The following CCDC30 variants were observed in gnomAD, a reference collection of about 807,000 sequenced individuals.
CCDC30 encodes the protein coiled-coil domain containing 30.
A neutral mutation model predicts 100.2 loss-of-function variants in CCDC30; 70 were observed. The observed-to-expected ratio is 0.70, with a 90% CI of 0.58 to 0.85. The LOEUF (loss-of-function observed/expected upper bound fraction) is 0.85, where lower values mean the gene tolerates loss of function less well. Among genes scored for constraint, CCDC30 ranks in the 40% least tolerant of loss-of-function variants. The pLI is 0.00. For synonymous variants in CCDC30, 233 were observed against 269.5 expected, an observed-to-expected ratio of 0.86 and a Z score of 1.33; for missense variants, 652 against 771.2, an observed-to-expected ratio of 0.85 and a Z score of 1.83.
At chr1:42,539,255 A>T in intron 6 of CCDC30, 1 of 1,610,790 alleles carries the variant, frequency 6.2e-7, no homozygotes. Flanking sequence ...AGCAAAGACC[A>T]TTTTTTAATA....
rs113033883 is a variant in CCDC30 at position 42,495,531 on chromosome 1, CAA to C, written c.242-1554_242-1553del. On this transcript the variant is annotated intron_variant, in intron 4 of 16. Coordinates refer to ENST00000668663, the Ensembl canonical transcript of CCDC30. The stretch of plus-strand genomic sequence containing the variant: ...TAATAAAAAAATAAAAATAAAAAAG[CAA>C]AAAAAAAAAAAATTAGCCAGGTTTG... Among the ~76,000 whole-genome samples the C allele has an allele frequency of 3.1e-3, 446 of 141,708 alleles. 6 individuals carry two copies. The highest frequency in any genetic ancestry group is 1.0e-2 in the African/African-American group (388 of 38,842). 93.0% of individuals were successfully genotyped at this position (141,708 alleles called of 152,430 possible).
At chr1:42,539,266 G>A in intron 6 of CCDC30, 1 of 1,607,750 alleles carries the variant, frequency 6.2e-7, no homozygotes, top group Non-Finnish European at 8.5e-7. Context: ...TTTTTTAATA[G>A]CATGTGACCT....
At chr1:42,476,668 C>G (rs1005933473) in intron 1 of CCDC30, among the ~76,000 whole-genome samples, 6 of 134,028 alleles carry the variant, frequency 4.5e-5, no homozygotes, top group African/African-American at 1.7e-4. Flanking sequence ...CCAGCCTGGG[C>G]AAAAGGAGTG....
chr1:42,534,821 T>A (rs571637312), intron 6 of CCDC30: 1 of 152,150 alleles, frequency 6.6e-6, no homozygotes, highest in Non-Finnish European at 1.5e-5. Context: ...CAGAAGAAGA[T>A]GCTTAAGAAA....
intron 10 of CCDC30, chr1:42,591,450 G>T (rs1646184856): frequency 1.3e-5 from 2 of 152,484 alleles, no homozygotes; most frequent in African/African-American, 4.8e-5. Context: ...CTGTCCAGAG[G>T]ATGCAAGCCA....
At chr1:42,512,762 A>G (rs1644498604) in intron 6 of CCDC30, among the ~76,000 whole-genome samples, 1 of 152,048 alleles carries the variant, frequency 6.6e-6, no homozygotes, top group Admixed American at 6.6e-5. Flanking sequence ...TTGTTTCAGG[A>G]CCTCACTCAG....
chr1:42,562,576 C>T (rs996240856), intron 6 of CCDC30, among the ~76,000 whole-genome samples: 5 of 152,088 alleles, frequency 3.3e-5, no homozygotes, highest in African/African-American at 4.8e-5. Flanking sequence ...ACGCCAAAAG[C>T]AATTGCAACA....
the CCDC30 span, among the ~76,000 whole-genome samples, chr1:42,458,080 G>A: frequency 3.3e-5 from 5 of 152,290 alleles, no homozygotes; most frequent in African/African-American, 1.2e-4. Flanking sequence ...GTGAACCGAA[G>A]TGCTTTGGTA....
intron 15 of CCDC30, among the ~76,000 whole-genome samples, 167 bp from the exon 20 acceptor site, chr1:42,653,209 T>G (rs57834696): frequency 3.2e-3 from 484 of 151,890 alleles, no homozygotes; most frequent in South Asian, 4.8e-3. Flanking sequence ...GTTATATATA[T>G]AGAGAGAGAG....
chr1:42,459,748 A>G (rs747351660), upstream of CCDC30: 2 of 1,614,242 alleles, frequency 1.2e-6, no homozygotes, highest in South Asian at 2.2e-5. Flanking sequence ...TATCAGCATC[A>G]AGTGGTGGTG....
chr1:42,646,082 A>C (rs1454424436), intron 14 of CCDC30, 53 bp from the exon 19 acceptor site: 1 of 1,513,948 alleles, frequency 6.6e-7, no homozygotes, highest in African/African-American at 1.4e-5. Flanking sequence ...ACTAACTTCT[A>C]ACATCTTGAT....
intron 11 of CCDC30, among the ~76,000 whole-genome samples, chr1:42,633,902 C>T (rs1041432337): frequency 2.0e-5 from 3 of 152,110 alleles, no homozygotes; most frequent in Non-Finnish European, 4.4e-5. Context: ...AACTTACAAT[C>T]GTGGCACAAG....
rs532451910 is a variant in CCDC30 at position 42,615,450 on chromosome 1, A to G, written c.1277+4360A>G. Among the ~76,000 whole-genome samples the G allele has an allele frequency of 2.6e-5, 4 of 152,154 alleles. No homozygotes were observed. The South Asian group carries it at 8.3e-4, about 32-fold the overall frequency. ...GTAGCTGGGATTACAGGCGCACGCC[A>G]CTACTGCCCGGCTAATTTTTATATT... On this transcript the variant is annotated intron_variant, in intron 11 of 16. Transcript: ENST00000668663.
At chr1:42,618,493 C>T (rs890099890) in intron 11 of CCDC30, among the ~76,000 whole-genome samples, 5 of 152,132 alleles carry the variant, frequency 3.3e-5, no homozygotes, top group Non-Finnish European at 5.9e-5. Context: ...GCTTCGGCCT[C>T]CCAAAGTGCT....
chr1:42,546,470 TC>T (rs1645147554), intron 6 of CCDC30, among the ~76,000 whole-genome samples: 2 of 135,570 alleles, frequency 1.5e-5, no homozygotes, highest in Non-Finnish European at 3.2e-5. Flanking sequence ...TATATATATA[TC>T]CTTTTATTAG....
At chr1:42,537,454 C>G in intron 6 of CCDC30, 1 of 353,570 alleles carries the variant, frequency 2.8e-6, no homozygotes, top group Non-Finnish European at 5.5e-6. Context: ...TTTTGGGAGG[C>G]CACCCTCTAC....
At chr1:42,653,496 C>A in intron 16 of CCDC30, 53 bp downstream of exon 20, 2 of 1,183,986 alleles carry the variant, frequency 1.7e-6, no homozygotes, top group Non-Finnish European at 1.2e-6. Flanking sequence ...GGACTGTCAG[C>A]CATGCCTGAG....
downstream of CCDC30, chr1:42,654,726 T>A (rs1369439402): frequency 1.3e-5 from 2 of 151,074 alleles, no homozygotes; most frequent in Middle Eastern, 3.4e-3. Context: ...TTTTTTTTTT[T>A]TTGAGACGGA....
At chr1:42,476,120 A>C (rs1278256947) in intron 1 of CCDC30, among the ~76,000 whole-genome samples, 2 of 152,210 alleles carry the variant, frequency 1.3e-5, no homozygotes, top group Non-Finnish European at 2.9e-5. Flanking sequence ...TCTGTAAAGA[A>C]TTCTCTTGGC....
Sources: allele counts gnomAD v4.1 joint callset (sites outside exome capture counted in the v4.1 genomes callset), GRCh38; gene constraint gnomAD v4.1.1; transcripts MANE v1.5; gene names NCBI Gene and HGNC (gene_info 2026-07-23, HGNC 2026-07-21).